Variants in SIPA1L1 observed in about 807,000 individuals in gnomAD.
SIPA1L1 encodes signal-induced proliferation-associated 1-like protein 1.
A neutral mutation model predicts 162.7 loss-of-function variants in SIPA1L1; 26 were observed. The observed-to-expected ratio is 0.16, with a 90% confidence interval of 0.12 to 0.22. The LOEUF is 0.22. SIPA1L1 is among the 10% of genes least tolerant of loss of function. SIPA1L1 has a pLI of 1.00. For synonymous variants in SIPA1L1, 829 were observed against 837.4 expected, an observed-to-expected ratio of 0.99 and a Z score of 0.17; for missense variants, 1,874 against 2,241.0, an observed-to-expected ratio of 0.84 and a Z score of 3.31.
chr14:71,654,380 A>G (rs1235307132), intron 8 of SIPA1L1, among the ~76,000 whole-genome samples: 1 of 152,176 alleles, frequency 6.6e-6, no homozygotes, highest in African/African-American at 2.4e-5. Context: ...GCAGTTTGTT[A>G]TTTGAAAGCT....
At chr14:71,661,949 T>G (rs2043558168) in intron 10 of SIPA1L1, among the ~76,000 whole-genome samples, 1 of 152,190 alleles carries the variant, frequency 6.6e-6, no homozygotes, top group African/African-American at 2.4e-5. Flanking sequence ...TTATTGAAAT[T>G]GTTTCAGTGT....
intron 2 of SIPA1L1, among the ~76,000 whole-genome samples, chr14:71,355,718 A>G (rs913005966): frequency 3.3e-5 from 5 of 152,250 alleles, no homozygotes; most frequent in African/African-American, 4.8e-5. Context: ...ATGAGAAAGT[A>G]CATATAAGGG....
chr14:71,646,322 G>A (rs183362814), intron 7 of SIPA1L1, among the ~76,000 whole-genome samples: 163 of 152,046 alleles, frequency 1.1e-3, no homozygotes, highest in Non-Finnish European at 1.9e-3. Flanking sequence ...GACTACAGGT[G>A]CCCGCCACCA....
chr14:71,539,297 G>T (rs972993642), intron 4 of SIPA1L1, among the ~76,000 whole-genome samples: 3 of 152,150 alleles, frequency 2.0e-5, no homozygotes, highest in Non-Finnish European at 4.4e-5. Context: ...ATTACTCTTT[G>T]CTTGTGTGGC....
At chr14:71,550,773 T>C (rs987454298) in intron 4 of SIPA1L1, among the ~76,000 whole-genome samples, 1 of 152,038 alleles carries the variant, frequency 6.6e-6, no homozygotes, top group Non-Finnish European at 1.5e-5. Context: ...TAATTTAACA[T>C]GGTCAACAAA....
intron 2 of SIPA1L1, among the ~76,000 whole-genome samples, chr14:71,380,988 A>C (rs2039845792): frequency 6.6e-6 from 1 of 152,212 alleles, no homozygotes; most frequent in South Asian, 2.1e-4. Context: ...AATATTAATA[A>C]TTGACTATTA....
At chr14:71,643,669 G>A (rs1454992585) in intron 7 of SIPA1L1, among the ~76,000 whole-genome samples, 2 of 152,290 alleles carry the variant, frequency 1.3e-5, no homozygotes, top group East Asian at 1.9e-4. Context: ...TGTTGTTTTG[G>A]TTGGAGTAAA....
At chr14:71,395,553 C>T (rs2041116062) in intron 2 of SIPA1L1, among the ~76,000 whole-genome samples, 2 of 152,144 alleles carry the variant, frequency 1.3e-5, no homozygotes, top group African/African-American at 2.4e-5. Context: ...GTCCCAGCTA[C>T]TGGGGGCTGA....
rs369780799 is a variant in SIPA1L1 at position 71,656,167 on chromosome 14, A to G, written c.1994-2166A>G. Among the ~76,000 whole-genome samples, 5 of 152,352 alleles carry G rather than the reference A, an allele frequency of 3.3e-5. No homozygotes were observed. In the South Asian group the frequency reaches 8.3e-4, roughly 25 times the overall value. ...AAGACCTCAGAAAAAGGCTGGTCAG[A>G]TAGCATACATTGTGTGAAATGAGAC... On this transcript the variant is annotated intron_variant, in intron 8 of 23. Transcript: ENST00000381232.
chr14:71,571,749 C>G (rs1408502766), intron 4 of SIPA1L1, among the ~76,000 whole-genome samples: 4 of 151,906 alleles, frequency 2.6e-5, no homozygotes, highest in Non-Finnish European at 4.4e-5. Flanking sequence ...TCACACCATT[C>G]TCCTGCCTCA....
In SIPA1L1 at chr14:71,589,279, C is replaced by T; in HGVS notation, c.1407C>T (p.Asn469=). The change falls in exon 5 of 24, where the codon AAC becomes AAT. Residue 469 remains asparagine, a synonymous_variant. Transcript: ENST00000381232. ...GVAVLEVPKE[N]LVLHLDRVKR... ...CAGTACTTGAAGTGCCCAAGGAGAA[C>T]TTGGTGTTGCACCTAGATAGAGTGA... is the stretch of plus-strand genomic sequence containing the variant. 1 of 1,614,002 alleles carries T rather than the reference C, an allele frequency of 6.2e-7. No homozygotes were observed. The highest frequency in any genetic ancestry group is 1.6e-4 in the Middle Eastern group (1 of 6,062).
chr14:71,326,911 C>T (rs142989653), intron 2 of SIPA1L1, among the ~76,000 whole-genome samples: 6 of 151,012 alleles, frequency 4.0e-5, no homozygotes, highest in Admixed American at 3.3e-4. Flanking sequence ...AGGGTTTCGC[C>T]ATGTTGGCCA....
At chr14:71,563,269 G>T in intron 4 of SIPA1L1, among the ~76,000 whole-genome samples, 1 of 147,892 alleles carries the variant, frequency 6.8e-6, no homozygotes, top group African/African-American at 2.5e-5. Context: ...CATCTAGCTT[G>T]ATGTTTTTCT....
At chr14:71,445,158 G>C (rs1411158338) in intron 2 of SIPA1L1, among the ~76,000 whole-genome samples, 1 of 152,116 alleles carries the variant, frequency 6.6e-6, no homozygotes, top group Non-Finnish European at 1.5e-5. Flanking sequence ...TACTTATCCT[G>C]GCGTAAGAAA....
chr14:71,345,247 C>CGGGTACTATGTGGAAGAT (rs1566912212), intron 2 of SIPA1L1, among the ~76,000 whole-genome samples: 1 of 152,056 alleles, frequency 6.6e-6, no homozygotes, highest in African/African-American at 2.4e-5. Flanking sequence ...GTGTGGGAGA[C>CGGGTACTATGTGGAAGAT]GGGTACTATG....
chr14:71,453,759 C>T lies in SIPA1L1; in HGVS notation c.-464-58984C>T, dbSNP rs767844902. 1.1e-4 allele frequency among the ~76,000 whole-genome samples: 16 copies of T among 151,944 alleles called. No individual in the cohort carries two copies. The East Asian group carries it at 2.5e-3, about 24-fold the overall frequency. On this transcript the variant is annotated intron_variant, in intron 2 of 23. Coordinates refer to ENST00000381232, the MANE Select transcript of SIPA1L1 (RefSeq NM_001386936.1). ...CTGTAATCCCAACACTTTGGGAGGC[C>T]GAGGCAAGTGGATCACCTGAGGTCG...
chr14:71,496,899 C>T (rs1026813484), intron 2 of SIPA1L1, among the ~76,000 whole-genome samples: 3 of 152,092 alleles, frequency 2.0e-5, no homozygotes, highest in Admixed American at 6.6e-5. Context: ...GGGCTGGGCG[C>T]GGTGGCTCAC....
At chr14:71,590,941 A>G (rs2035305417) in intron 5 of SIPA1L1, among the ~76,000 whole-genome samples, 1 of 152,066 alleles carries the variant, frequency 6.6e-6, no homozygotes. Flanking sequence ...GACAGCCTAA[A>G]ATGTCTTCAG....
intron 5 of SIPA1L1, among the ~76,000 whole-genome samples, chr14:71,593,958 T>C (rs1254940292): frequency 1.3e-5 from 2 of 152,052 alleles, no homozygotes; most frequent in Non-Finnish European, 2.9e-5. Flanking sequence ...CATCTAAGAG[T>C]ATTTTCCCAT....
Sources: gnomAD v4.1 joint callset for allele counts (sites outside exome capture counted in the v4.1 genomes callset) on GRCh38, gnomAD v4.1.1 for gene constraint, MANE v1.5 for transcripts, NCBI Gene and HGNC (gene_info 2026-07-23, HGNC 2026-07-21) for gene names.